The following ZNF681 variants were observed in gnomAD, a reference collection of about 807,000 sequenced individuals.
ZNF681 encodes the protein zinc finger protein 681, also known as hypothetical protein FLJ31526.
Under a neutral mutation model 56.0 loss-of-function variants are expected in ZNF681, and 37 were observed. That is an observed-to-expected ratio of 0.66 (90% CI 0.51 to 0.87). ZNF681 has a LOEUF of 0.87. ZNF681 is among the 40% of genes least tolerant of loss of function. The pLI is 0.00. For synonymous variants in ZNF681, 225 were observed against 248.6 expected, an observed-to-expected ratio of 0.91 and a Z score of 0.89; for missense variants, 741 against 744.9, an observed-to-expected ratio of 0.99 and a Z score of 0.06.
chr19:23,750,890 G>C (rs1277477921), intron 3 of ZNF681, among the ~76,000 whole-genome samples: 1 of 151,236 alleles, frequency 6.6e-6, no homozygotes, highest in Non-Finnish European at 1.5e-5. Flanking sequence ...TTGGGAGGCT[G>C]AGGTAGGTGG....
At chr19:23,757,882 G>T (rs1270607867) in intron 1 of ZNF681, among the ~76,000 whole-genome samples, 1 of 151,912 alleles carries the variant, frequency 6.6e-6, no homozygotes, top group African/African-American at 2.4e-5. Flanking sequence ...CTCAGAGTTT[G>T]TATAATTTTA....
chr19:23,754,755 A>T, intron 3 of ZNF681, 68 bp downstream of exon 3: 1 of 1,255,274 alleles, frequency 8.0e-7, no homozygotes, highest in Admixed American at 1.8e-5. Context: ...TATAAGCACT[A>T]GCTTTTTCTT....
chr19:23,744,882 T>C lies in ZNF681; in HGVS notation c.668A>G (p.Glu223Gly). The C allele has an allele frequency of 6.2e-7, 1 of 1,612,796 alleles. No homozygotes were observed. The highest frequency in any genetic ancestry group is 8.5e-7 in the Non-Finnish European group (1 of 1,179,460). Reference sequence around the variant, plus strand: ...ACATTCTTCACATATGTACGATTTCTCTCCAATATGAATTCTTTTATGTTT... The same window carrying C: ...ACATTCTTCACATATGTACGATTTCCCTCCAATATGAATTCTTTTATGTTT... ...FTKHKRIHIG[E>G]KSYICEECGK... is the part of the protein sequence containing the mutation. Residue 223 changes from glutamate (E) to glycine (G), a missense_variant, in exon 4 of 4, where the codon GAG becomes GGG. Glu to Gly is a moderately conservative substitution (Grantham distance 98, BLOSUM62 -2). Transcript: ENST00000402377.
Position 23,744,698 on chromosome 19 carries a change from A to G in ZNF681, c.852T>C (p.Arg284=). Residue 284 remains arginine (R), a synonymous_variant, in exon 4 of 4, where the codon CGT becomes CGC. Transcript: ENST00000402377. The part of the protein sequence containing the change: ...IIHTGENPYK[R]EECDKAFNQS... ...GATTAAAGGCTTTGTCACATTCTTCACGTTTGTAGGGATTCTCTCCAGTAT... is the reference window on the plus strand; with the variant it reads ...GATTAAAGGCTTTGTCACATTCTTCGCGTTTGTAGGGATTCTCTCCAGTAT... The G allele has an allele frequency of 6.3e-7, 1 of 1,596,306 alleles. No homozygotes were observed. The highest frequency in any genetic ancestry group is 1.1e-5 in the South Asian group (1 of 90,032).
rs762806011 is a variant in ZNF681, at chr19:23,754,824, TG to T, written c.224del (p.Pro75GlnfsTer17). ...RKRHRMVAEPPVICSHFAQDF... is the reference protein window; with the variant it reads ...RKRHRMVAEPXVICSHFAQDF... ...GTATTCACTTTCACTCTCACCTACC[TG>T]GGGGTTCGGCCACCATCCTATGTCT... On this transcript the variant is annotated frameshift_variant and splice_region_variant, in exon 3 of 4. Coordinates refer to ENST00000402377, the MANE Select transcript of ZNF681 (RefSeq NM_138286.3). LOFTEE classifies it high-confidence loss of function. The T allele has an allele frequency of 1.2e-5, 19 of 1,613,614 alleles. No individual in the cohort carries two copies. Among genetic ancestry groups the T allele is most frequent in the Non-Finnish European group, 1.3e-5 (15 of 1,179,578 alleles).
intron 1 of ZNF681, 43 bp downstream of exon 1, chr19:23,758,704 A>G (rs375634312): frequency 4.2e-5 from 68 of 1,614,036 alleles, no homozygotes; most frequent in Non-Finnish European, 5.2e-5. Context: ...GTCCCGCCAC[A>G]GCCCCTTCCC....
chr19:23,758,282 G>A (rs1220866461), intron 1 of ZNF681, among the ~76,000 whole-genome samples: 1 of 152,232 alleles, frequency 6.6e-6, no homozygotes, highest in Non-Finnish European at 1.5e-5. Flanking sequence ...GCAAATGTCT[G>A]TAATTACACC....
chr19:23,756,218 G>C (rs988715890), intron 1 of ZNF681, among the ~76,000 whole-genome samples: 1 of 151,904 alleles, frequency 6.6e-6, no homozygotes, highest in Non-Finnish European at 1.5e-5. Flanking sequence ...CCAACTACTC[G>C]GGAGGCTGAG....
intron 3 of ZNF681, among the ~76,000 whole-genome samples, chr19:23,753,877 A>AAAAG: frequency 1.3e-5 from 2 of 151,218 alleles, no homozygotes; most frequent in East Asian, 1.9e-4. Context: ...AAAAAAAAAA[A>AAAAG]GTGCCATGTT....
intron 1 of ZNF681, 140 bp downstream of exon 1, chr19:23,758,607 G>C: frequency 7.9e-7 from 1 of 1,268,460 alleles, no homozygotes; most frequent in Non-Finnish European, 1.2e-6. Flanking sequence ...CAGCGCAGCC[G>C]CCATCTTATG....
chr19:23,756,366 A>T (rs1969119113), intron 1 of ZNF681, among the ~76,000 whole-genome samples: 2 of 151,872 alleles, frequency 1.3e-5, no homozygotes, highest in Admixed American at 1.3e-4. Flanking sequence ...CACTATTTAC[A>T]ATAGCAAAGA....
intron 1 of ZNF681, 76 bp downstream of exon 1, chr19:23,758,671 G>C: frequency 6.2e-7 from 1 of 1,611,738 alleles, no homozygotes; most frequent in Non-Finnish European, 8.5e-7. Flanking sequence ...GCAAATTGTG[G>C]AGCTGACTGC....
Position 23,758,883 on chromosome 19 carries a change from G to T in ZNF681, c.-134C>A. On this transcript the variant is annotated 5_prime_UTR_variant, in exon 1 of 4. Transcript: ENST00000402377. ...GACGAGACCCGGAGCTCGGGCTGAA[G>T]GGAGAGACAAAGGCCCCGCCAATCC... 1 of 1,292,486 alleles carries T rather than the reference G, an allele frequency of 7.7e-7. No homozygotes were observed. The highest frequency in any genetic ancestry group is 1.1e-6 in the Non-Finnish European group (1 of 920,638). 80.1% of individuals were successfully genotyped at this position (1,292,486 alleles called of 1,614,324 possible).
At chr19:23,748,098 T>G (rs1311803267) in intron 3 of ZNF681, among the ~76,000 whole-genome samples, 2 of 152,198 alleles carry the variant, frequency 1.3e-5, no homozygotes, top group Non-Finnish European at 2.9e-5. Flanking sequence ...GCACCATTTT[T>G]TTTGATATGA....
chr19:23,757,835 T>G (rs901269042), intron 1 of ZNF681, among the ~76,000 whole-genome samples: 5 of 152,024 alleles, frequency 3.3e-5, no homozygotes, highest in Admixed American at 2.6e-4. Flanking sequence ...CCAGTTCTGT[T>G]TTTCCTAAAC....
intron 3 of ZNF681, among the ~76,000 whole-genome samples, chr19:23,747,981 A>T (rs1469901243): frequency 6.6e-6 from 1 of 152,068 alleles, no homozygotes; most frequent in East Asian, 1.9e-4. Flanking sequence ...ATAAAGCTGG[A>T]TTCTTTGAAT....
At chr19:23,748,764 T>C (rs1968982715) in intron 3 of ZNF681, among the ~76,000 whole-genome samples, 1 of 152,128 alleles carries the variant, frequency 6.6e-6, no homozygotes, top group Non-Finnish European at 1.5e-5. Context: ...GAAAAAGCAT[T>C]TGAAAAGACA....
rs1968888456 is a variant in ZNF681, at chr19:23,742,782, G to A, written c.*830C>T. On this transcript the variant is annotated 3_prime_UTR_variant, in exon 4 of 4. Transcript: ENST00000402377. Reference sequence around the variant, plus strand: ...CACATGTGAATACAATAGGAATGAAGAGCATAACTTGAGTTAAATGACATT... The same window carrying A: ...CACATGTGAATACAATAGGAATGAAAAGCATAACTTGAGTTAAATGACATT... 2 of 152,148 alleles carry A rather than the reference G, an allele frequency of 1.3e-5. No homozygotes were observed. The highest frequency in any genetic ancestry group is 4.1e-4 in the South Asian group (2 of 4,828). 9.4% of individuals were successfully genotyped at this position (152,148 alleles called of 1,614,324 possible). A position where few individuals can be genotyped will look rare whatever the true frequency, so the allele number is the denominator to read the frequency against.
intron 3 of ZNF681, among the ~76,000 whole-genome samples, chr19:23,747,411 G>A (rs914723904): frequency 8.6e-5 from 13 of 151,784 alleles, no homozygotes; most frequent in African/African-American, 1.2e-4. Context: ...AGGCCGAGGC[G>A]GGCGTATCAC....
Sources: gnomAD v4.1 joint callset for allele counts (sites outside exome capture counted in the v4.1 genomes callset) on GRCh38, gnomAD v4.1.1 for gene constraint, MANE v1.5 for transcripts, NCBI Gene and HGNC (gene_info 2026-07-23, HGNC 2026-07-21) for gene names.